SGCD: variants seen among roughly 807,000 people sequenced by gnomAD.
SGCD encodes the protein sarcoglycan delta.
A neutral mutation model predicts 36.6 loss-of-function variants in SGCD; 18 were observed. That is an observed-to-expected ratio of 0.49 (90% CI 0.34 to 0.73). SGCD has a LOEUF of 0.73. Ranked by LOEUF, SGCD falls within the 30% of genes least tolerant of loss-of-function variation. The pLI is 0.01. For synonymous variants in SGCD, 133 were observed against 130.6 expected, an observed-to-expected ratio of 1.02 and a Z score of -0.12; for missense variants, 387 against 346.7, an observed-to-expected ratio of 1.12 and a Z score of -0.92.
chr5:156,305,542 A>T (rs994910499), intron 3 of SGCD, among the ~76,000 whole-genome samples: 1 of 152,056 alleles, frequency 6.6e-6, no homozygotes, highest in Non-Finnish European at 1.5e-5. Flanking sequence ...CTCATGGAGA[A>T]CCTCTGTTAG....
intron 3 of SGCD, among the ~76,000 whole-genome samples, chr5:156,248,757 C>T (rs1259703010): frequency 6.6e-6 from 1 of 152,134 alleles, no homozygotes; most frequent in Non-Finnish European, 1.5e-5. Flanking sequence ...AGTCAGGAGG[C>T]AATGCAAGTT....
At chr5:155,941,530 A>T (rs1190449063) in intron 1 of SGCD, among the ~76,000 whole-genome samples, 26 of 150,980 alleles carry the variant, frequency 1.7e-4, no homozygotes, top group African/African-American at 5.6e-4. Context: ...TGCTATTAAT[A>T]ACCATTGATA....
At chr5:156,012,802 C>T (rs1325164637) in intron 1 of SGCD, among the ~76,000 whole-genome samples, 3 of 151,648 alleles carry the variant, frequency 2.0e-5, no homozygotes, top group East Asian at 1.9e-4. Flanking sequence ...TTAGTAGAAA[C>T]GGGGTTTCAC....
intron 7 of SGCD, among the ~76,000 whole-genome samples, chr5:156,713,705 G>C (rs769035774): frequency 6.6e-6 from 1 of 152,214 alleles, no homozygotes; most frequent in South Asian, 2.1e-4. Flanking sequence ...CAAAAGGGCA[G>C]CTTTTCAAGG....
intron 4 of SGCD, among the ~76,000 whole-genome samples, chr5:156,555,977 A>C (rs955898970): frequency 1.3e-5 from 2 of 152,130 alleles, no homozygotes; most frequent in African/African-American, 4.8e-5. Flanking sequence ...TAGGGCTTAC[A>C]TAATTTTCCT....
chr5:156,329,518 T>C lies in SGCD; in HGVS notation c.-43-16T>C. The C allele has an allele frequency of 6.3e-7, 1 of 1,585,246 alleles. No homozygotes were observed. The highest frequency in any genetic ancestry group is 8.7e-7 in the Non-Finnish European group (1 of 1,154,192). The stretch of plus-strand genomic sequence containing the variant: ...CTCTTCAGACCTTATTTTTAACCCA[T>C]ATTTGTTCCTTGCAGAGACATTACT... On this transcript the variant is annotated splice_polypyrimidine_tract_variant and intron_variant, in intron 1 of 8. Coordinates refer to ENST00000337851, the MANE Select transcript of SGCD (RefSeq NM_000337.6).
chr5:156,242,058 C>T (rs558599849), intron 3 of SGCD, among the ~76,000 whole-genome samples: 43 of 152,198 alleles, frequency 2.8e-4, no homozygotes, highest in South Asian at 6.2e-4. Flanking sequence ...ATCCTACTTA[C>T]GAATGTTTAT....
intron 3 of SGCD, among the ~76,000 whole-genome samples, chr5:156,245,895 G>C (rs1765427288): frequency 6.6e-6 from 1 of 152,030 alleles, no homozygotes; most frequent in South Asian, 2.1e-4. Flanking sequence ...TCAAGAAAAG[G>C]GTGGCTATAC....
At position 156,399,675 on chromosome 5, in the gene SGCD, A is replaced by G. The variant is rs541670886; in HGVS notation, c.192+54998A>G. On this transcript the variant is annotated intron_variant, in intron 3 of 8. Transcript: ENST00000337851. ...GCTTGCAAAGCAGATTAATGACCCA[A>G]TTAATGCTGAATTGTCCATTTCCCT... Among the ~76,000 whole-genome samples, 10 of 152,242 alleles carry G rather than the reference A, an allele frequency of 6.6e-5. No individual in the cohort carries two copies. In the East Asian group the frequency reaches 9.7e-4, roughly 15 times the overall value.
chr5:156,000,351 A>G (rs1581035607), intron 1 of SGCD, among the ~76,000 whole-genome samples: 1 of 152,172 alleles, frequency 6.6e-6, no homozygotes. Context: ...CCCAAACACA[A>G]CCATAGTCTA....
intron 1 of SGCD, among the ~76,000 whole-genome samples, chr5:156,109,006 C>T (rs927452591): frequency 6.6e-6 from 1 of 152,174 alleles, no homozygotes; most frequent in Non-Finnish European, 1.5e-5. Context: ...ACCCACCTCT[C>T]AAGAAAGATA....
At chr5:156,419,482 T>C (rs1217884760) in intron 3 of SGCD, among the ~76,000 whole-genome samples, 1 of 152,138 alleles carries the variant, frequency 6.6e-6, no homozygotes, top group Admixed American at 6.6e-5. Context: ...CCTTCTTTTT[T>C]AGAATCAGAT....
In SGCD at chr5:156,761,516, C is replaced by T. The variant is rs746606409; in HGVS notation, c.*2126C>T. On this transcript the variant is annotated 3_prime_UTR_variant, in exon 9 of 9. Coordinates refer to ENST00000337851, the MANE Select transcript of SGCD (RefSeq NM_000337.6). ...CTGTATGTATCAATACAGGGTTTTT[C>T]CAAGCCAGGAAACGCCCTCCTTGGC... 1 of 152,128 alleles carries T rather than the reference C, an allele frequency of 6.6e-6. No individual in the cohort carries two copies. Among genetic ancestry groups the T allele is most frequent in the Non-Finnish European group, 1.5e-5 (1 of 68,036 alleles). 9.4% of individuals were successfully genotyped at this position (152,128 alleles called of 1,614,324 possible).
the SGCD span, among the ~76,000 whole-genome samples, chr5:155,842,902 G>C: frequency 1.1e-3 from 166 of 152,232 alleles, no homozygotes; most frequent in African/African-American, 3.9e-3. Context: ...CTTCTGTTAA[G>C]ACATTGGTAA....
At chr5:156,152,828 A>G (rs1447046135) in intron 3 of SGCD, among the ~76,000 whole-genome samples, 6 of 151,640 alleles carry the variant, frequency 4.0e-5, no homozygotes, top group Non-Finnish European at 5.9e-5. Context: ...CAACCAAAGT[A>G]TCCTTTGACC....
At chr5:155,973,354 G>A (rs1310739926) in intron 1 of SGCD, among the ~76,000 whole-genome samples, 1 of 151,556 alleles carries the variant, frequency 6.6e-6, no homozygotes, top group Non-Finnish European at 1.5e-5. Context: ...TATTCCCTTT[G>A]AATTTAGCTC....
chr5:156,000,799 C>CACATATATATATATAT (rs1554110713), intron 1 of SGCD, among the ~76,000 whole-genome samples: 4 of 145,212 alleles, frequency 2.8e-5, no homozygotes, highest in African/African-American at 1.1e-4. Context: ...TTTCCTCACA[C>CACATATATATATATAT]ATATATATAT....
At chr5:156,328,984 G>A (rs1363948445) in intron 1 of SGCD, among the ~76,000 whole-genome samples, 1 of 152,130 alleles carries the variant, frequency 6.6e-6, no homozygotes, top group African/African-American at 2.4e-5. Context: ...TATTTAGCGT[G>A]CGTCAAGCAT....
At chr5:156,054,284 C>CTTTTTTT (rs70981996) in intron 1 of SGCD, among the ~76,000 whole-genome samples, 1 of 80,396 alleles carries the variant, frequency 1.2e-5, no homozygotes, top group Non-Finnish European at 2.9e-5. Flanking sequence ...AACTTTCCTT[C>CTTTTTTT]TTTTTTTTTT....
Sources: gnomAD v4.1 joint callset for allele counts (sites outside exome capture counted in the v4.1 genomes callset) on GRCh38, gnomAD v4.1.1 for gene constraint, MANE v1.5 for transcripts, NCBI Gene and HGNC (gene_info 2026-07-23, HGNC 2026-07-21) for gene names.